NRG1: variants seen among roughly 807,000 people sequenced by gnomAD.
NRG1 encodes the protein pro-neuregulin-1, membrane-bound isoform.
A neutral mutation model predicts 63.8 loss-of-function variants in NRG1; 18 were observed. That is an observed-to-expected ratio of 0.28 (90% CI 0.19 to 0.42). The LOEUF is 0.42. Ranked by LOEUF, NRG1 falls within the 10% of genes least tolerant of loss-of-function variation. NRG1 has a pLI of 1.00. For synonymous variants in NRG1, 302 were observed against 301.3 expected (o/e 1.00, Z -0.02); for missense variants, 762 against 814.7 (o/e 0.94, Z 0.79).
chr8:31,678,441 A>G (rs1049737445), intron 1 of NRG1, among the ~76,000 whole-genome samples: 5 of 152,240 alleles, frequency 3.3e-5, no homozygotes, highest in South Asian at 4.1e-4. Context: ...CTTTGTGTCC[A>G]TTGAATTTAG....
At chr8:32,264,335 A>C (rs2129471876) in intron 1 of NRG1, among the ~76,000 whole-genome samples, 1 of 152,270 alleles carries the variant, frequency 6.6e-6, no homozygotes, top group Non-Finnish European at 1.5e-5. Context: ...AATTCATTTG[A>C]GGGAAAAAAA....
chr8:32,159,362 G>A (rs188744711), intron 1 of NRG1, among the ~76,000 whole-genome samples: 2,331 of 150,428 alleles, frequency 0.015, 26 homozygotes, highest in Non-Finnish European at 0.026. Flanking sequence ...GTGAAACCCC[G>A]TCTCTACTAA....
intron 1 of NRG1, among the ~76,000 whole-genome samples, chr8:32,109,099 G>A (rs1831661592): frequency 6.6e-6 from 1 of 152,168 alleles, no homozygotes; most frequent in African/African-American, 2.4e-5. Context: ...GAATCAGAGT[G>A]AGAATTATAC....
chr8:31,896,131 A>T (rs1473713956), intron 1 of NRG1, among the ~76,000 whole-genome samples: 2 of 152,124 alleles, frequency 1.3e-5, no homozygotes, highest in East Asian at 3.9e-4. Flanking sequence ...AAAATCCAGC[A>T]TTTGCTCACT....
intron 1 of NRG1, among the ~76,000 whole-genome samples, chr8:31,750,186 TA>T (rs1437576365): frequency 6.6e-6 from 1 of 151,866 alleles, no homozygotes; most frequent in Non-Finnish European, 1.5e-5. Flanking sequence ...AAAAAGAATG[TA>T]ATTCGTAAGA....
intron 1 of NRG1, among the ~76,000 whole-genome samples, chr8:31,796,697 A>G (rs1450648756): frequency 6.6e-6 from 1 of 152,066 alleles, no homozygotes; most frequent in East Asian, 1.9e-4. Flanking sequence ...TCAGCCTCCC[A>G]AAGTACTGGG....
At chr8:32,192,996 T>A (rs1157619674) in intron 1 of NRG1, among the ~76,000 whole-genome samples, 1 of 152,200 alleles carries the variant, frequency 6.6e-6, no homozygotes, top group Non-Finnish European at 1.5e-5. Context: ...TCTGTTTATT[T>A]TCTGATGTTT....
intron 6 of NRG1, among the ~76,000 whole-genome samples, chr8:32,733,442 ATATT>A (rs771930445): frequency 2.6e-5 from 4 of 151,970 alleles, no homozygotes; most frequent in Non-Finnish European, 5.9e-5. Context: ...GATAGATAAA[ATATT>A]TATCAAACGT....
chr8:31,827,830 G>T (rs1375915846), intron 1 of NRG1, among the ~76,000 whole-genome samples: 2 of 152,096 alleles, frequency 1.3e-5, no homozygotes, highest in South Asian at 2.1e-4. Flanking sequence ...TTCATGGCAG[G>T]CTGTATAGGA....
chr8:32,758,973 T>G (rs1035735193), intron 9 of NRG1, among the ~76,000 whole-genome samples: 1 of 152,220 alleles, frequency 6.6e-6, no homozygotes, highest in Non-Finnish European at 1.5e-5. Context: ...GGATGGATAT[T>G]TGTATGGAAT....
chr8:31,938,539 A>G (rs1013428112), intron 1 of NRG1, among the ~76,000 whole-genome samples: 4 of 152,186 alleles, frequency 2.6e-5, no homozygotes, highest in African/African-American at 9.6e-5. Context: ...CTCACCAGCA[A>G]TGGATCCAAA....
At chr8:32,361,064 G>T (rs1359127115) in intron 1 of NRG1, among the ~76,000 whole-genome samples, 1 of 152,118 alleles carries the variant, frequency 6.6e-6, no homozygotes, top group Non-Finnish European at 1.5e-5. Flanking sequence ...TTATTCATAC[G>T]ATAGACCTAT....
chr8:32,150,588 C>T (rs1008175185), intron 1 of NRG1, among the ~76,000 whole-genome samples: 8 of 152,224 alleles, frequency 5.3e-5, no homozygotes, highest in Non-Finnish European at 8.8e-5. Context: ...AATGTGCTGG[C>T]GCCTTAATCT....
intron 1 of NRG1, among the ~76,000 whole-genome samples, chr8:32,196,115 A>ATG (rs1392124910): frequency 2.4e-5 from 2 of 83,700 alleles, no homozygotes; most frequent in African/African-American, 7.8e-5. Context: ...AGTAAAAACA[A>ATG]TGAGTGTGTG....
intron 1 of NRG1, among the ~76,000 whole-genome samples, chr8:31,876,724 C>G (rs1829954520): frequency 6.6e-6 from 1 of 152,074 alleles, no homozygotes; most frequent in Non-Finnish European, 1.5e-5. Context: ...ATTATCTACC[C>G]AATAATTCAC....
rs181019020 is a variant in NRG1, at chr8:32,653,957, C to T, written c.502+37072C>T. On this transcript the variant is annotated intron_variant, in intron 5 of 11. Transcript: ENST00000356819. The stretch of plus-strand genomic sequence containing the variant: ...TGCAGTGAATTTTATCGTGTGTATG[C>T]GTGTGTGTGTGTGTGTGTGTGTAGA... Among the ~76,000 whole-genome samples, 1,180 of 148,778 alleles carry T rather than the reference C, an allele frequency of 7.9e-3. 5 individuals carry two copies. Among genetic ancestry groups the T allele is most frequent in the Middle Eastern group, 0.025 (7 of 282 alleles).
chr8:32,454,378 C>T (rs1304232943), intron 1 of NRG1, among the ~76,000 whole-genome samples: 1 of 152,014 alleles, frequency 6.6e-6, no homozygotes, highest in East Asian at 1.9e-4. Context: ...TCATGTATGG[C>T]CTTTACTGTT....
intron 5 of NRG1, chr8:32,648,408 C>CGAT (rs757052836): frequency 2.9e-5 from 46 of 1,600,886 alleles, no homozygotes; most frequent in Admixed American, 2.2e-4. Context: ...GAGAGAGAGA[C>CGAT]GATGATGATG....
chr8:32,118,242 G>C (rs1241576656), intron 1 of NRG1, among the ~76,000 whole-genome samples: 1 of 152,030 alleles, frequency 6.6e-6, no homozygotes, highest in Non-Finnish European at 1.5e-5. Context: ...ATACATTAAT[G>C]CCCTCCCTGG....
Sources: allele counts gnomAD v4.1 joint callset (sites outside exome capture counted in the v4.1 genomes callset), GRCh38; gene constraint gnomAD v4.1.1; transcripts MANE v1.5; gene names NCBI Gene and HGNC (gene_info 2026-07-23, HGNC 2026-07-21).